Variants in STAT4 observed in about 807,000 individuals in gnomAD.
The protein encoded by STAT4 is signal transducer and activator of transcription 4.
Under a neutral mutation model 110.5 loss-of-function variants are expected in STAT4, and 42 were observed. The ratio of observed to expected loss-of-function variants is 0.38; its 90% CI spans 0.30 to 0.49. The LOEUF is 0.49. Ranked by LOEUF, STAT4 falls within the 20% of genes least tolerant of loss-of-function variation. STAT4 has a pLI of 0.95. For missense variants in STAT4, 632 were observed against 887.9 expected (o/e 0.71, Z 3.66); for synonymous variants, 284 against 302.2 (o/e 0.94, Z 0.63).
Position 191,135,737 on chromosome 2 carries a change from G to A in STAT4, c.273+10876C>T, listed in dbSNP as rs1215394669. 6.6e-6 allele frequency among the ~76,000 whole-genome samples: 1 copy of A among 152,176 alleles called. No homozygotes were observed. The highest frequency in any genetic ancestry group is 1.9e-4 in the East Asian group (1 of 5,196). On this transcript the variant is annotated intron_variant, in intron 3 of 23. Transcript: ENST00000392320. This position sits in a 1 kb window ranked among gnomAD's most constrained non-coding sequence, Gnocchi z 4.8. ...CTGCCTCAGCTTCCCAAAGTGCTGGGATTACAGGCATGTGCCAACACACTT... is the reference window on the plus strand; with the variant it reads ...CTGCCTCAGCTTCCCAAAGTGCTGGAATTACAGGCATGTGCCAACACACTT...
chr2:191,043,967 T>C lies in STAT4; in HGVS notation c.1252-2819A>G, dbSNP rs1467144584. On this transcript the variant is annotated intron_variant, in intron 14 of 23. Transcript: ENST00000392320. The surrounding 1 kb of genome is among the most constrained non-coding windows in gnomAD (Gnocchi z 4.8). ...AAGGCATTCTTGAAAACAATAAACATCAAAATTCAAGGCAATGGTTATTGG... is the reference window on the plus strand; with the variant it reads ...AAGGCATTCTTGAAAACAATAAACACCAAAATTCAAGGCAATGGTTATTGG... Among the ~76,000 whole-genome samples, 1 of 116,190 alleles carries C rather than the reference T, an allele frequency of 8.6e-6. No homozygotes were observed. Among genetic ancestry groups the C allele is most frequent in the East Asian group, 2.6e-4 (1 of 3,832 alleles). The allele number at this position is 116,190 out of a possible 152,430, so 76.2% of individuals were successfully genotyped here.
intron 3 of STAT4, among the ~76,000 whole-genome samples, chr2:191,114,970 G>A (rs142507386): frequency 7.9e-5 from 12 of 152,208 alleles, no homozygotes; most frequent in African/African-American, 2.4e-4. Flanking sequence ...GTACTGAATC[G>A]CATATTAGTT....
chr2:191,036,569 A>G (rs2125151927), intron 16 of STAT4, among the ~76,000 whole-genome samples: 1 of 152,364 alleles, frequency 6.6e-6, no homozygotes, highest in Non-Finnish European at 1.5e-5. Flanking sequence ...AAGTAACAAG[A>G]CTTCTGAAGA....
rs1027002545 is a variant in STAT4 at position 191,147,911 on chromosome 2, G to C, written c.128+165C>G. ...ATTTACAATGAATGGAACCAGAAAG[G>C]ACAATTATTCCCCTTCTTTGGGAAG... On this transcript the variant is annotated intron_variant, in intron 2 of 23. Coordinates refer to ENST00000392320, the MANE Select transcript of STAT4 (RefSeq NM_003151.4). This position sits in a 1 kb window ranked among gnomAD's most constrained non-coding sequence, Gnocchi z 4.1. Among the ~76,000 whole-genome samples, 3 of 152,246 alleles carry C rather than the reference G, an allele frequency of 2.0e-5. No individual in the cohort carries two copies. The highest frequency in any genetic ancestry group is 2.1e-4 in the South Asian group (1 of 4,824).
intron 18 of STAT4, 80 bp from the exon 19 acceptor site, chr2:191,034,085 A>G (rs543283237): frequency 2.0e-6 from 2 of 997,016 alleles, no homozygotes; most frequent in Non-Finnish European, 3.0e-6. Flanking sequence ...TCAATTTTTC[A>G]CCAAAATATT....
Position 191,039,327 on chromosome 2 carries a change from T to C in STAT4, c.1336-30A>G. 1.3e-6 allele frequency: 2 copies of C among 1,593,090 alleles called. No individual in the cohort carries two copies. Among genetic ancestry groups the C allele is most frequent in the Non-Finnish European group, 1.7e-6 (2 of 1,160,820 alleles). ...TTTGGGGGGAAAAAAGCATAGTTAT[T>C]ACAGGTAGTCCCACCTTACATTGAT... On this transcript the variant is annotated intron_variant, in intron 15 of 23. Coordinates refer to ENST00000392320, the MANE Select transcript of STAT4 (RefSeq NM_003151.4). This position sits in a 1 kb window ranked among gnomAD's most constrained non-coding sequence, Gnocchi z 4.7.
intron 3 of STAT4, among the ~76,000 whole-genome samples, chr2:191,108,107 A>G (rs963986348): frequency 6.6e-6 from 1 of 152,122 alleles, no homozygotes; most frequent in Non-Finnish European, 1.5e-5. Flanking sequence ...CCAGGTCAAC[A>G]TGGCGAAACC....
At position 191,083,064 on chromosome 2, in the gene STAT4, G is replaced by A. The variant is rs1004032624; in HGVS notation, c.274-6739C>T. ...TTTTCTAGAGGGCCTGAAACAGGAGGCATTAGTGACCAAAGGGGATATAGG... is the reference window on the plus strand; with the variant it reads ...TTTTCTAGAGGGCCTGAAACAGGAGACATTAGTGACCAAAGGGGATATAGG... On this transcript the variant is annotated intron_variant, in intron 3 of 23. Coordinates refer to ENST00000392320, the MANE Select transcript of STAT4 (RefSeq NM_003151.4). This position sits in a 1 kb window ranked among gnomAD's most constrained non-coding sequence, Gnocchi z 4.6. Among the ~76,000 whole-genome samples the A allele has an allele frequency of 1.3e-5, 2 of 152,198 alleles. No individual in the cohort carries two copies. The highest frequency in any genetic ancestry group is 4.8e-5 in the African/African-American group (2 of 41,452).
chr2:191,085,358 T>C (rs1697609075), intron 3 of STAT4, among the ~76,000 whole-genome samples: 2 of 151,866 alleles, frequency 1.3e-5, no homozygotes, highest in Non-Finnish European at 2.9e-5. Flanking sequence ...TCTTACTTGA[T>C]ATGTTAAAGT....
intron 3 of STAT4, among the ~76,000 whole-genome samples, chr2:191,118,850 T>C (rs1698641308): frequency 6.6e-6 from 1 of 152,150 alleles, no homozygotes; most frequent in African/African-American, 2.4e-5. Flanking sequence ...CCTCAAACTC[T>C]TGGGCTCAGG....
At chr2:191,136,923 G>A (rs935506411) in intron 3 of STAT4, among the ~76,000 whole-genome samples, 1 of 152,098 alleles carries the variant, frequency 6.6e-6, no homozygotes, top group East Asian at 1.9e-4. Context: ...AAATGAATTA[G>A]CTGAGAAAGA....
chr2:191,146,483 G>C lies in STAT4; in HGVS notation c.273+130C>G. The C allele has an allele frequency of 2.4e-6, 2 of 832,282 alleles. No individual in the cohort carries two copies. Among genetic ancestry groups the C allele is most frequent in the Non-Finnish European group, 3.3e-6 (2 of 612,206 alleles). The allele number at this position is 832,282 out of a possible 1,614,324, so 51.6% of individuals were successfully genotyped here. ...GGTAATAAAATTGAGCACAAAATTTGTAAGTGGTAAGACAACTCAATTTTC... is the reference window on the plus strand; with the variant it reads ...GGTAATAAAATTGAGCACAAAATTTCTAAGTGGTAAGACAACTCAATTTTC... On this transcript the variant is annotated intron_variant, in intron 3 of 23. Transcript: ENST00000392320. This position sits in a 1 kb window ranked among gnomAD's most constrained non-coding sequence, Gnocchi z 4.5.
rs1696845128 is a variant in STAT4, at chr2:191,061,430, T to TCCC, written c.1034+298_1034+299insGGG. On this transcript the variant is annotated intron_variant, in intron 10 of 23. Transcript: ENST00000392320. The surrounding 1 kb of genome is among the most constrained non-coding windows in gnomAD (Gnocchi z 6.2). ...ACAATCCTCCTCCCCTCTCCCAATCTCTCCAGTCTTTTCTCAAGTCAACCT... is the reference window on the plus strand; with the variant it reads ...ACAATCCTCCTCCCCTCTCCCAATCTCCCCTCCAGTCTTTTCTCAAGTCAACCT... 6.6e-6 allele frequency among the ~76,000 whole-genome samples: 1 copy of TCCC among 152,148 alleles called. No homozygotes were observed. The highest frequency in any genetic ancestry group is 1.5e-5 in the Non-Finnish European group (1 of 68,038).
At chr2:191,094,491 G>A (rs896288150) in intron 3 of STAT4, among the ~76,000 whole-genome samples, 5 of 152,144 alleles carry the variant, frequency 3.3e-5, no homozygotes, top group African/African-American at 1.2e-4. Context: ...GCCAAACTAA[G>A]CTTCATAAGT....
At chr2:191,047,406 G>C (rs1305406713) in intron 14 of STAT4, among the ~76,000 whole-genome samples, 1 of 152,144 alleles carries the variant, frequency 6.6e-6, no homozygotes, top group Non-Finnish European at 1.5e-5. Context: ...TCACAACCTG[G>C]GACTTGCAAT....
rs1699485262 is a variant in STAT4, at chr2:191,147,234, A to G, written c.129-477T>C. Among the ~76,000 whole-genome samples the G allele has an allele frequency of 1.3e-5, 2 of 152,226 alleles. No individual in the cohort carries two copies. The highest frequency in any genetic ancestry group is 2.9e-5 in the Non-Finnish European group (2 of 68,022). On this transcript the variant is annotated intron_variant, in intron 2 of 23. Coordinates refer to ENST00000392320, the MANE Select transcript of STAT4 (RefSeq NM_003151.4). The surrounding 1 kb of genome is among the most constrained non-coding windows in gnomAD (Gnocchi z 4.1). ...CCTAGCAGGGTTATTAGCAATAGCC[A>G]AAATGTTTGAACAACCCAAATGTCC...
In STAT4 at chr2:191,099,762, G is replaced by A. The variant is rs960927755; in HGVS notation, c.274-23437C>T. 6.6e-6 allele frequency among the ~76,000 whole-genome samples: 1 copy of A among 152,122 alleles called. No homozygotes were observed. The highest frequency in any genetic ancestry group is 1.9e-4 in the East Asian group (1 of 5,202). On this transcript the variant is annotated intron_variant, in intron 3 of 23. Transcript: ENST00000392320. The surrounding 1 kb of genome is among the most constrained non-coding windows in gnomAD (Gnocchi z 4.1). ...GTTAATACGGATGTCTTTGAAGGTA[G>A]TGGTGTGGATGGAGGTAAGGAAAAA... is the stretch of plus-strand genomic sequence containing the variant.
At chr2:191,137,118 G>A (rs193055020) in intron 3 of STAT4, among the ~76,000 whole-genome samples, 245 of 152,196 alleles carry the variant, frequency 1.6e-3, no homozygotes, top group Admixed American at 3.5e-3. Context: ...CAAGGTGGGC[G>A]GATCACCTGA....
In STAT4 at chr2:191,033,552, A is replaced by G. The variant is rs770306554; in HGVS notation, c.1790T>C (p.Leu597Ser). The change falls in exon 20 of 24, where the codon TTA becomes TCA. Residue 597 changes from leucine (L) to serine (S), a missense_variant. Physicochemically the swap from Leu to Ser is moderately radical, Grantham distance 145. Around this residue, in one of 4 missense-constraint regions of STAT4, gnomAD observed 74 missense variants for 154.3 expected, o/e 0.48. Coordinates refer to ENST00000392320, the MANE Select transcript of STAT4 (RefSeq NM_003151.4). The surrounding 1 kb of genome is among the most constrained non-coding windows in gnomAD (Gnocchi z 6.9). Reference sequence around the variant, plus strand: ...TCCGAGATGGCTTTCACTGAATCTTAATAAAAAGGTGCCAGGCATTTTATC... The same window carrying G: ...TCCGAGATGGCTTTCACTGAATCTTGATAAAAAGGTGCCAGGCATTTTATC... Reference protein sequence around the residue: ...LKDKMPGTFLLRFSESHLGGI... With the variant: ...LKDKMPGTFLSRFSESHLGGI... 7.4e-6 allele frequency: 12 copies of G among 1,614,052 alleles called. No homozygotes were observed. The highest frequency in any genetic ancestry group is 2.7e-5 in the African/African-American group (2 of 74,946).
Sources: gnomAD v4.1 joint callset for allele counts (sites outside exome capture counted in the v4.1 genomes callset) on GRCh38, gnomAD v4.1.1 for gene constraint, gnomAD v4.1.1 regional missense constraint, Gnocchi (gnomAD v3.1) non-coding constraint, MANE v1.5 for transcripts, NCBI Gene and HGNC (gene_info 2026-07-23, HGNC 2026-07-21) for gene names.